Variants in PXDNL observed in about 807,000 individuals in gnomAD.
PXDNL encodes probable oxidoreductase PXDNL.
PXDNL carries 145 observed loss-of-function variants against 150.8 expected under a neutral mutation model. That is an observed-to-expected ratio of 0.96 (90% CI 0.84 to 1.10). PXDNL has a LOEUF of 1.10. Among genes scored for constraint, PXDNL ranks in the 50% least tolerant of loss-of-function variants. The pLI is 0.00. For synonymous variants in PXDNL, 757 were observed against 725.7 expected (o/e 1.04, Z -0.69); for missense variants, 2,087 against 1,873.9 (o/e 1.11, Z -2.10).
At chr8:51,515,151 G>A (rs1811507863) in intron 4 of PXDNL, among the ~76,000 whole-genome samples, 1 of 152,202 alleles carries the variant, frequency 6.6e-6, no homozygotes, top group Admixed American at 6.5e-5. Context: ...TGCCTGCTGA[G>A]GAGGGAAGGG....
chr8:51,541,202 G>A (rs548367740), intron 4 of PXDNL, among the ~76,000 whole-genome samples: 19 of 149,440 alleles, frequency 1.3e-4, no homozygotes, highest in African/African-American at 4.5e-4. Flanking sequence ...AGGTTGCAGT[G>A]AGCCAAGATG....
intron 4 of PXDNL, among the ~76,000 whole-genome samples, chr8:51,553,349 T>A (rs76815222): frequency 0.013 from 1,981 of 152,310 alleles, 42 homozygotes; most frequent in African/African-American, 0.045. Context: ...CTGTCTGCAA[T>A]GGCTTTGCTC....
chr8:51,520,428 C>T (rs1017904490), intron 4 of PXDNL, among the ~76,000 whole-genome samples: 13 of 151,348 alleles, frequency 8.6e-5, no homozygotes, highest in Non-Finnish European at 1.5e-4. Flanking sequence ...AATCACTCCA[C>T]GCCGCACCAG....
rs540675964 is a variant in PXDNL, at chr8:51,763,114, C to A, written c.164+46067G>T. ...TTCCCCCATTATCCCTTATACCCAG[C>A]CCCAGAAAATCACTAACCTGCTTTT... is the stretch of plus-strand genomic sequence containing the variant. On this transcript the variant is annotated intron_variant, in intron 1 of 22. Transcript: ENST00000356297. Among the ~76,000 whole-genome samples, 4 of 152,220 alleles carry A rather than the reference C, an allele frequency of 2.6e-5. No individual in the cohort carries two copies. In the South Asian group the frequency reaches 8.3e-4, roughly 32 times the overall value.
At chr8:51,734,025 T>C (rs897595122) in intron 1 of PXDNL, among the ~76,000 whole-genome samples, 1 of 151,930 alleles carries the variant, frequency 6.6e-6, no homozygotes, top group Non-Finnish European at 1.5e-5. Flanking sequence ...ATCATTGACT[T>C]AGAGTGTATC....
intron 1 of PXDNL, among the ~76,000 whole-genome samples, chr8:51,702,901 A>G (rs1405840783): frequency 6.6e-6 from 1 of 152,170 alleles, no homozygotes; most frequent in African/African-American, 2.4e-5. Context: ...TTTCAACATA[A>G]TCTATTTGGC....
At chr8:51,405,337 C>T (rs1808408910) in intron 17 of PXDNL, among the ~76,000 whole-genome samples, 1 of 152,194 alleles carries the variant, frequency 6.6e-6, no homozygotes, top group Non-Finnish European at 1.5e-5. Flanking sequence ...ATGCCGTCAC[C>T]TCTCAATGAG....
intron 1 of PXDNL, among the ~76,000 whole-genome samples, chr8:51,769,380 C>G (rs575821423): frequency 6.6e-6 from 1 of 152,212 alleles, no homozygotes; most frequent in Non-Finnish European, 1.5e-5. Context: ...GAATTCAAAT[C>G]TCTGCCAACT....
At chr8:51,698,727 G>T (rs1239664052) in intron 1 of PXDNL, among the ~76,000 whole-genome samples, 5 of 152,118 alleles carry the variant, frequency 3.3e-5, no homozygotes, top group Non-Finnish European at 5.9e-5. Context: ...TCCCTCAGAG[G>T]AATCATTGTC....
chr8:51,804,958 T>C (rs2037660064), intron 1 of PXDNL, among the ~76,000 whole-genome samples: 1 of 151,730 alleles, frequency 6.6e-6, no homozygotes, highest in South Asian at 2.1e-4. Context: ...TCCATTCTCC[T>C]GCTTGGGCTC....
At chr8:51,750,660 C>T (rs2037035543) in intron 1 of PXDNL, among the ~76,000 whole-genome samples, 1 of 152,146 alleles carries the variant, frequency 6.6e-6, no homozygotes, top group African/African-American at 2.4e-5. Flanking sequence ...TCTTTAGTTC[C>T]AGATGGCAGG....
intron 1 of PXDNL, among the ~76,000 whole-genome samples, chr8:51,709,951 G>A (rs554524863): frequency 6.6e-6 from 1 of 152,266 alleles, no homozygotes; most frequent in Admixed American, 6.5e-5. Context: ...TGTTAATGAG[G>A]AGTAGGAGTT....
In PXDNL at chr8:51,448,936, T is replaced by A. The variant is rs566613542; in HGVS notation, c.1366+66A>T. ...CCTTCGATAATTAATTTAAACTATTTTTTTTTACTATCCACAAAAGAAGGC... is the reference window on the plus strand; with the variant it reads ...CCTTCGATAATTAATTTAAACTATTATTTTTTACTATCCACAAAAGAAGGC... On this transcript the variant is annotated intron_variant, in intron 11 of 22. Transcript: ENST00000356297. 6.4e-5 allele frequency: 52 copies of A among 807,204 alleles called. No homozygotes were observed. In the South Asian group the frequency reaches 7.3e-4, roughly 11 times the overall value. The allele number at this position is 807,204 out of a possible 1,614,324, so 50.0% of individuals were successfully genotyped here.
chr8:51,598,728 G>C (rs1664268800), intron 2 of PXDNL, among the ~76,000 whole-genome samples: 1 of 152,036 alleles, frequency 6.6e-6, no homozygotes, highest in Admixed American at 6.6e-5. Context: ...TGCTAGATGT[G>C]CGTATCTAGG....
At chr8:51,521,267 T>A (rs1811657454) in intron 4 of PXDNL, among the ~76,000 whole-genome samples, 1 of 151,930 alleles carries the variant, frequency 6.6e-6, no homozygotes, top group Admixed American at 6.6e-5. Flanking sequence ...AAAAAAGTCT[T>A]TACTGGAAAA....
At chr8:51,522,090 T>C (rs1811675313) in intron 4 of PXDNL, among the ~76,000 whole-genome samples, 2 of 152,232 alleles carry the variant, frequency 1.3e-5, no homozygotes, top group Admixed American at 6.5e-5. Flanking sequence ...AGAATAATCT[T>C]TTATTTTTCT....
At chr8:51,407,873 T>C (rs536028038) in intron 17 of PXDNL, among the ~76,000 whole-genome samples, 194 bp downstream of exon 17, 1 of 152,070 alleles carries the variant, frequency 6.6e-6, no homozygotes, top group African/African-American at 2.4e-5. Flanking sequence ...AGGAGGTGGA[T>C]AGAAAAAGGA....
At chr8:51,366,867 C>T (rs1221143479) in intron 19 of PXDNL, among the ~76,000 whole-genome samples, 2 of 151,964 alleles carry the variant, frequency 1.3e-5, no homozygotes, top group Admixed American at 6.6e-5. Context: ...CTTTGGGAGG[C>T]CGAGGCAGGC....
chr8:51,679,887 G>A (rs1815704867), intron 1 of PXDNL, among the ~76,000 whole-genome samples: 1 of 152,184 alleles, frequency 6.6e-6, no homozygotes, highest in African/African-American at 2.4e-5. Context: ...AAGGGCCAAA[G>A]TTATCCCTGT....
Sources: allele counts gnomAD v4.1 joint callset (sites outside exome capture counted in the v4.1 genomes callset), GRCh38; gene constraint gnomAD v4.1.1; transcripts MANE v1.5; gene names NCBI Gene and HGNC (gene_info 2026-07-23, HGNC 2026-07-21).